Variants in BABAM2 observed in about 807,000 individuals in gnomAD.
BABAM2 encodes the protein BRISC and BRCA1 A complex member 2.
BABAM2 carries 31 observed loss-of-function variants against 54.7 expected under a neutral mutation model. The observed-to-expected ratio is 0.57, with a 90% CI of 0.43 to 0.77. The LOEUF (loss-of-function observed/expected upper bound fraction) is 0.77, where lower values mean the gene tolerates loss of function less well. Among genes scored for constraint, BABAM2 ranks in the 30% least tolerant of loss-of-function variants. The pLI, the probability that BABAM2 is intolerant of heterozygous loss-of-function variation, is 0.00. For missense variants in BABAM2, 364 were observed against 455.8 expected, an observed-to-expected ratio of 0.80 and a Z score of 1.83; for synonymous variants, 167 against 162.9, an observed-to-expected ratio of 1.03 and a Z score of -0.19.
intron 2 of BABAM2, among the ~76,000 whole-genome samples, chr2:27,904,130 A>T (rs1284026051): frequency 6.6e-6 from 1 of 152,222 alleles, no homozygotes; most frequent in Non-Finnish European, 1.5e-5. Context: ...TAGGCGGGAC[A>T]GAGTTGGAAG....
intron 6 of BABAM2, among the ~76,000 whole-genome samples, chr2:28,109,420 C>T (rs1667806710): frequency 6.6e-6 from 1 of 151,968 alleles, no homozygotes; most frequent in African/African-American, 2.4e-5. Flanking sequence ...GATCTCTTGA[C>T]CTCGTGATCT....
Position 28,184,193 on chromosome 2 carries a change from T to C in BABAM2, c.681-53009T>C, listed in dbSNP as rs564450824. 6.6e-5 allele frequency among the ~76,000 whole-genome samples: 10 copies of C among 151,830 alleles called. No homozygotes were observed. In the South Asian group the frequency reaches 2.1e-3, roughly 32 times the overall value. On this transcript the variant is annotated intron_variant, in intron 7 of 11. Transcript: ENST00000379624. ...CAAGAACTAGGACTGCCTCCTATTG[T>C]TCAATTTTCCAGATGCATGTCTGTC... is the stretch of plus-strand genomic sequence containing the variant.
intron 11 of BABAM2, among the ~76,000 whole-genome samples, chr2:28,316,096 T>C (rs1689529460): frequency 6.6e-6 from 1 of 152,122 alleles, no homozygotes; most frequent in Non-Finnish European, 1.5e-5. Flanking sequence ...AAACAACAAA[T>C]AATTTAGTGT....
intron 7 of BABAM2, among the ~76,000 whole-genome samples, chr2:28,188,000 C>G (rs1305923373): frequency 6.6e-6 from 1 of 152,016 alleles, no homozygotes; most frequent in Admixed American, 6.6e-5. Context: ...TTTTCTATTA[C>G]TTTTGTCATT....
intron 3 of BABAM2, among the ~76,000 whole-genome samples, chr2:27,933,126 A>G (rs1351669059): frequency 6.6e-6 from 1 of 152,196 alleles, no homozygotes; most frequent in African/African-American, 2.4e-5. Flanking sequence ...ATTTGCTGTT[A>G]CCCTATATCC....
chr2:28,129,215 CTAA>C (rs1669824855), intron 6 of BABAM2, 53 bp from the exon 7 acceptor site: 2 of 1,481,950 alleles, frequency 1.3e-6, no homozygotes, highest in Admixed American at 3.3e-5. Flanking sequence ...GAGCTTGACA[CTAA>C]TAAGATGTTA....
At chr2:28,042,526 A>C (rs1677186368) in intron 5 of BABAM2, among the ~76,000 whole-genome samples, 1 of 152,166 alleles carries the variant, frequency 6.6e-6, no homozygotes, top group Non-Finnish European at 1.5e-5. Context: ...GTAGAACACT[A>C]AGATAAAGAC....
At chr2:28,058,933 G>A (rs1678648672) in intron 6 of BABAM2, among the ~76,000 whole-genome samples, 2 of 152,144 alleles carry the variant, frequency 1.3e-5, no homozygotes, top group Admixed American at 1.3e-4. Context: ...CACTGTGGAT[G>A]GTTTGAGAAG....
At chr2:27,941,170 T>C (rs951104228) in intron 3 of BABAM2, among the ~76,000 whole-genome samples, 2 of 152,190 alleles carry the variant, frequency 1.3e-5, no homozygotes, top group African/African-American at 4.8e-5. Context: ...CAAGATAAGA[T>C]AAGCATAGCC....
chr2:28,274,171 T>C (rs937434807), intron 10 of BABAM2, among the ~76,000 whole-genome samples: 15 of 152,148 alleles, frequency 9.9e-5, no homozygotes, highest in African/African-American at 3.6e-4. Context: ...CCATCCAGCT[T>C]TCTCTCCCAC....
intron 6 of BABAM2, among the ~76,000 whole-genome samples, chr2:28,094,039 G>T (rs1386866456): frequency 6.6e-6 from 1 of 152,116 alleles, no homozygotes; most frequent in Admixed American, 6.6e-5. Context: ...GTGTTTTGTA[G>T]CCTGTTCAGT....
intron 4 of BABAM2, among the ~76,000 whole-genome samples, chr2:27,994,617 A>G (rs1673008643): frequency 6.6e-6 from 1 of 152,178 alleles, no homozygotes; most frequent in Admixed American, 6.5e-5. Context: ...AGTGTCATCC[A>G]TGTAGTTACT....
chr2:28,126,886 A>G (rs2148762855), intron 6 of BABAM2, among the ~76,000 whole-genome samples: 1 of 146,626 alleles, frequency 6.8e-6, no homozygotes, highest in East Asian at 2.0e-4. Context: ...CATTTCTCTG[A>G]TGGCCAGTGA....
intron 6 of BABAM2, among the ~76,000 whole-genome samples, chr2:28,128,040 C>G (rs1366145575): frequency 1.3e-5 from 2 of 151,998 alleles, no homozygotes; most frequent in Non-Finnish European, 2.9e-5. Context: ...TCTCGATTTC[C>G]TGACCTCGTG....
chr2:28,331,630 C>T (rs1255398634), intron 11 of BABAM2, among the ~76,000 whole-genome samples: 1 of 152,148 alleles, frequency 6.6e-6, no homozygotes, highest in Non-Finnish European at 1.5e-5. Flanking sequence ...CCATCTCATG[C>T]CAATCAGAAT....
At chr2:28,320,288 T>C (rs1689921842) in intron 11 of BABAM2, among the ~76,000 whole-genome samples, 1 of 152,198 alleles carries the variant, frequency 6.6e-6, no homozygotes, top group South Asian at 2.1e-4. Flanking sequence ...CAAGAAGGAA[T>C]GAAGTTTGTT....
At chr2:28,004,065 A>G (rs970581307) in intron 4 of BABAM2, among the ~76,000 whole-genome samples, 3 of 151,948 alleles carry the variant, frequency 2.0e-5, no homozygotes, top group Admixed American at 6.6e-5. Context: ...GGCACATTAC[A>G]GAGGAAGAGT....
At chr2:28,231,785 CTTTTTTTTTTT>C (rs549515372) in intron 7 of BABAM2, among the ~76,000 whole-genome samples, 28 of 57,676 alleles carry the variant, frequency 4.9e-4, no homozygotes, top group South Asian at 8.1e-4. Flanking sequence ...AGAGAGATGT[CTTTTTTTTTTT>C]TTTTTTTTTT....
Position 28,041,215 on chromosome 2 carries a change from A to G in BABAM2, c.496-4510A>G, listed in dbSNP as rs150782670. Among the ~76,000 whole-genome samples, 272 of 152,360 alleles carry G rather than the reference A, an allele frequency of 1.8e-3. 1 individual carries two copies. The highest frequency in any genetic ancestry group is 6.3e-3 in the African/African-American group (262 of 41,586). ...TATATGTAAAATCAGGCATATATAT[A>G]TACACACCTCTGAGTTTAAAAGTTT... On this transcript the variant is annotated intron_variant, in intron 5 of 11. Transcript: ENST00000379624.
Sources: allele counts gnomAD v4.1 joint callset (sites outside exome capture counted in the v4.1 genomes callset), GRCh38; gene constraint gnomAD v4.1.1; transcripts MANE v1.5; gene names NCBI Gene and HGNC (gene_info 2026-07-23, HGNC 2026-07-21).